Variants in ZUP1 observed in about 807,000 individuals in gnomAD.
ZUP1 encodes the protein zinc finger-containing ubiquitin peptidase 1.
In ZUP1, 55 loss-of-function variants were observed where a neutral mutation model predicts 68.1. That is an observed-to-expected ratio of 0.81 (90% CI 0.65 to 1.01). ZUP1 has a LOEUF of 1.01. ZUP1 is among the 50% of genes least tolerant of loss of function. The pLI is 0.00. For synonymous variants in ZUP1, 223 were observed against 221.5 expected (o/e 1.01, Z -0.06); for missense variants, 684 against 674.9 (o/e 1.01, Z -0.15).
intron 2 of ZUP1, among the ~76,000 whole-genome samples, chr6:116,663,085 C>T (rs73765828): frequency 0.011 from 1,731 of 152,140 alleles, 34 homozygotes; most frequent in African/African-American, 0.04. Flanking sequence ...AAAATTATAC[C>T]CTTAATTTAT....
chr6:116,666,606 A>G lies in ZUP1; in HGVS notation c.559+28T>C, dbSNP rs755487766. ...CATATTAAATTGAGGCTGTAAACTTATAATTTATAATGAAATGAAAACTTT... is the reference window on the plus strand; with the variant it reads ...CATATTAAATTGAGGCTGTAAACTTGTAATTTATAATGAAATGAAAACTTT... On this transcript the variant is annotated intron_variant, in intron 2 of 9. Transcript: ENST00000368576. The G allele has an allele frequency of 1.2e-5, 18 of 1,510,600 alleles. No individual in the cohort carries two copies. In the South Asian group the frequency reaches 1.4e-4, roughly 12 times the overall value. The allele number at this position is 1,510,600 out of a possible 1,614,324, so 93.6% of individuals were successfully genotyped here. A position where few individuals can be genotyped will look rare whatever the true frequency, so the allele number is the denominator to read the frequency against.
chr6:116,644,417 T>C (rs1003360633), intron 9 of ZUP1, among the ~76,000 whole-genome samples: 1 of 152,122 alleles, frequency 6.6e-6, no homozygotes, highest in Non-Finnish European at 1.5e-5. Flanking sequence ...CTATTCACAA[T>C]AGCAAAGACT....
At chr6:116,639,062 C>T (rs1021974345) in intron 9 of ZUP1, among the ~76,000 whole-genome samples, 45 of 152,240 alleles carry the variant, frequency 3.0e-4, no homozygotes, top group Admixed American at 4.6e-4. Context: ...GAGGGTCCTA[C>T]GCCCACGGAG....
intron 1 of ZUP1, among the ~76,000 whole-genome samples, chr6:116,667,998 A>G (rs923441472): frequency 6.7e-6 from 1 of 148,518 alleles, no homozygotes; most frequent in Admixed American, 6.8e-5. Flanking sequence ...AGTACTGACT[A>G]CTGACATAAA....
chr6:116,667,969 G>A (rs1211109270), intron 1 of ZUP1, among the ~76,000 whole-genome samples: 1 of 151,972 alleles, frequency 6.6e-6, no homozygotes, highest in Non-Finnish European at 1.5e-5. Flanking sequence ...AGTTATTTTT[G>A]GATTTTATGG....
At chr6:116,660,194 C>T (rs1367278898) in intron 3 of ZUP1, 6 of 152,512 alleles carry the variant, frequency 3.9e-5, no homozygotes, top group African/African-American at 1.2e-4. Context: ...TGATACTGGA[C>T]ACTAAAGACC....
chr6:116,639,182 G>T (rs534222180), intron 9 of ZUP1, among the ~76,000 whole-genome samples: 1 of 152,298 alleles, frequency 6.6e-6, no homozygotes, highest in Non-Finnish European at 1.5e-5. Context: ...CAAAGCAGCC[G>T]GGAAGCTCGA....
chr6:116,644,029 G>C (rs1172024828), intron 9 of ZUP1, among the ~76,000 whole-genome samples: 1 of 152,130 alleles, frequency 6.6e-6, no homozygotes, highest in Non-Finnish European at 1.5e-5. Context: ...GTGGGCAAAC[G>C]ATATGAACAG....
intron 9 of ZUP1, among the ~76,000 whole-genome samples, chr6:116,637,981 G>C (rs1775952709): frequency 6.7e-6 from 1 of 148,312 alleles, no homozygotes; most frequent in South Asian, 2.1e-4. Flanking sequence ...AGAATCACTT[G>C]AACTGGGGAG....
Position 116,667,038 on chromosome 6 carries a change from T to C in ZUP1, c.155A>G (p.His52Arg). The C allele has an allele frequency of 6.2e-7, 1 of 1,613,766 alleles. No homozygotes were observed. Among genetic ancestry groups the C allele is most frequent in the Non-Finnish European group, 8.5e-7 (1 of 1,179,858 alleles). Reference sequence around the variant, plus strand: ...TCTTTCAAGTGTATTCTGCTCAAAATGAGCTGTTTCGATATGAAAACACAT... The same window carrying C: ...TCTTTCAAGTGTATTCTGCTCAAAACGAGCTGTTTCGATATGAAAACACAT... Reference protein sequence around the residue: ...DEMCFHIETAHFEQNTLERNF... With the variant: ...DEMCFHIETARFEQNTLERNF... The change falls in exon 2 of 10, where the codon CAT (histidine) becomes CGT (arginine). Residue 52 changes from histidine (H) to arginine (R), a missense_variant. By Grantham distance (29) the His-to-Arg change is conservative. Coordinates refer to ENST00000368576, the MANE Select transcript of ZUP1 (RefSeq NM_145062.3).
rs1350917788 is a variant in ZUP1 at position 116,660,645 on chromosome 6, A to AT, written c.670+90dup. 71 of 651,350 alleles carry AT rather than the reference A, an allele frequency of 1.1e-4. No homozygotes were observed. The Middle Eastern group carries it at 1.8e-3, about 16-fold the overall frequency. 40.3% of individuals were successfully genotyped at this position (651,350 alleles called of 1,614,324 possible). On this transcript the variant is annotated intron_variant, in intron 3 of 9. Transcript: ENST00000368576. ...TAAAGGAAAAGATGTATTTTAAAAT[A>AT]TTTTTTCCATATCACAAATCTAAAA...
At chr6:116,652,238 T>C in intron 5 of ZUP1, 46 bp from the exon 6 acceptor site, 1 of 1,462,658 alleles carries the variant, frequency 6.8e-7, no homozygotes, top group South Asian at 1.2e-5. Context: ...CACCTTTATA[T>C]TGCTATCTCA....
At chr6:116,662,892 A>C (rs1776887512) in intron 2 of ZUP1, among the ~76,000 whole-genome samples, 1 of 152,180 alleles carries the variant, frequency 6.6e-6, no homozygotes, top group South Asian at 2.1e-4. Flanking sequence ...TTAGTGCCTA[A>C]TATTTTCTGA....
intron 8 of ZUP1, 102 bp downstream of exon 8, chr6:116,647,357 T>TA (rs755119282): frequency 9.6e-5 from 107 of 1,114,420 alleles, no homozygotes; most frequent in Admixed American, 2.9e-4. Flanking sequence ...AGATTCTGTC[T>TA]AAAAAAACAA....
intron 9 of ZUP1, among the ~76,000 whole-genome samples, chr6:116,638,911 G>T (rs987849180): frequency 1.3e-5 from 2 of 152,360 alleles, no homozygotes; most frequent in Middle Eastern, 3.4e-3. Context: ...AGCGCAAGGG[G>T]TCAGGGAGTC....
At chr6:116,648,422 C>G (rs1776380701) in intron 7 of ZUP1, among the ~76,000 whole-genome samples, 1 of 152,196 alleles carries the variant, frequency 6.6e-6, no homozygotes, top group South Asian at 2.1e-4. Flanking sequence ...AAATTTAATG[C>G]TGGTAACTTA....
intron 2 of ZUP1, among the ~76,000 whole-genome samples, chr6:116,665,219 A>T (rs1268377402): frequency 6.6e-6 from 1 of 152,188 alleles, no homozygotes; most frequent in Non-Finnish European, 1.5e-5. Flanking sequence ...AGAGGAAATT[A>T]AAATAACTAT....
At chr6:116,663,666 C>A (rs891432992) in intron 2 of ZUP1, among the ~76,000 whole-genome samples, 1 of 152,084 alleles carries the variant, frequency 6.6e-6, no homozygotes, top group Admixed American at 6.5e-5. Context: ...ACAGGCCAGA[C>A]GCAGTGGCTC....
In ZUP1 at chr6:116,666,727, A is replaced by G; in HGVS notation, c.466T>C (p.Cys156Arg). The G allele has an allele frequency of 6.2e-7, 1 of 1,613,768 alleles. No individual in the cohort carries two copies. Among genetic ancestry groups the G allele is most frequent in the Non-Finnish European group, 8.5e-7 (1 of 1,179,872 alleles). ...TCCTCTATTTTTCCACAGAATGGACATTCAGGAGGACTGTATGTTGTTTCA... is the reference window on the plus strand; with the variant it reads ...TCCTCTATTTTTCCACAGAATGGACGTTCAGGAGGACTGTATGTTGTTTCA... ...VYETTYSPPE[C>R]PFCGKIEEHS... The change falls in exon 2 of 10, where the codon TGT (cysteine) becomes CGT (arginine). Residue 156 changes from cysteine (C) to arginine (R), a missense_variant. Physicochemically the swap from Cys to Arg is radical, Grantham distance 180 (BLOSUM62 -3). Transcript: ENST00000368576.
Sources: gnomAD v4.1 joint callset for allele counts (sites outside exome capture counted in the v4.1 genomes callset) on GRCh38, gnomAD v4.1.1 for gene constraint, MANE v1.5 for transcripts, NCBI Gene and HGNC (gene_info 2026-07-23, HGNC 2026-07-21) for gene names.